Variants in MYO1E observed in about 807,000 individuals in gnomAD.
MYO1E encodes myosin IE, also known as unconventional myosin-Ie.
Under a neutral mutation model 151.1 loss-of-function variants are expected in MYO1E, and 68 were observed. The ratio of observed to expected loss-of-function variants is 0.45; its 90% CI spans 0.37 to 0.55. The LOEUF (loss-of-function observed/expected upper bound fraction) is 0.55, where lower values mean the gene tolerates loss of function less well. Ranked by LOEUF, MYO1E falls within the 20% of genes least tolerant of loss-of-function variation. The pLI is 0.00. For missense variants in MYO1E, 1,363 were observed against 1,389.3 expected (o/e 0.98, Z 0.30); for synonymous variants, 601 against 501.7 (o/e 1.20, Z -2.64).
Position 59,174,248 on chromosome 15 carries a change from T to C in MYO1E, c.2050-8A>G. ...CTCTTCTAAAAGAAATAGCTGTGAA[T>C]GGAGAGAAGACAAATGTGAGCCAAG... On this transcript the variant is annotated splice_region_variant and splice_polypyrimidine_tract_variant and intron_variant, in intron 19 of 27. Coordinates refer to ENST00000288235, the MANE Select transcript of MYO1E (RefSeq NM_004998.4). 1.3e-6 allele frequency: 2 copies of C among 1,593,368 alleles called. No homozygotes were observed. Among genetic ancestry groups the C allele is most frequent in the Non-Finnish European group, 8.6e-7 (1 of 1,161,326 alleles).
At chr15:59,230,605 C>T (rs982039279) in intron 6 of MYO1E, among the ~76,000 whole-genome samples, 9 of 152,088 alleles carry the variant, frequency 5.9e-5, no homozygotes, top group Admixed American at 6.5e-5. Flanking sequence ...GATAACACAA[C>T]TCAGGCATTG....
At chr15:59,173,080 A>G (rs2079605074) in intron 21 of MYO1E, among the ~76,000 whole-genome samples, 1 of 152,238 alleles carries the variant, frequency 6.6e-6, no homozygotes, top group African/African-American at 2.4e-5. Flanking sequence ...AAAGGTATCT[A>G]AAGGAGGAGG....
intron 21 of MYO1E, among the ~76,000 whole-genome samples, chr15:59,173,271 A>G (rs2079606134): frequency 6.6e-6 from 1 of 152,264 alleles, no homozygotes; most frequent in Non-Finnish European, 1.5e-5. Flanking sequence ...AGATGTGTGA[A>G]AAGATGCTCA....
chr15:59,228,000 G>A (rs2080002344), intron 6 of MYO1E, among the ~76,000 whole-genome samples: 1 of 152,058 alleles, frequency 6.6e-6, no homozygotes, highest in African/African-American at 2.4e-5. Context: ...TCTTACCTAC[G>A]GAGCATCTAA....
At position 59,235,836 on chromosome 15, in the gene MYO1E, T is replaced by A. The variant is rs2080058939; in HGVS notation, c.420+749A>T. ...CCCTACTTCCTACCAATCAAGCGTTTAAAACATGGTAAGATTCTGGCCAAT... is the reference window on the plus strand; with the variant it reads ...CCCTACTTCCTACCAATCAAGCGTTAAAAACATGGTAAGATTCTGGCCAAT... On this transcript the variant is annotated intron_variant, in intron 5 of 27. Coordinates refer to ENST00000288235, the MANE Select transcript of MYO1E (RefSeq NM_004998.4). Among the ~76,000 whole-genome samples the A allele has an allele frequency of 2.0e-5, 3 of 152,224 alleles. No homozygotes were observed. In the South Asian group the frequency reaches 6.2e-4, roughly 31 times the overall value.
chr15:59,198,840 AC>A (rs1176218802), intron 16 of MYO1E, among the ~76,000 whole-genome samples: 10 of 149,602 alleles, frequency 6.7e-5, no homozygotes, highest in African/African-American at 2.0e-4. Flanking sequence ...CAAAAAAAAA[AC>A]AAACCAAAAA....
chr15:59,173,760 C>T lies in MYO1E; in HGVS notation c.2320G>A (p.Asp774Asn), dbSNP rs1194926228. 1 of 1,614,166 alleles carries T rather than the reference C, an allele frequency of 6.2e-7. No individual in the cohort carries two copies. The highest frequency in any genetic ancestry group is 2.2e-5 in the East Asian group (1 of 44,878). ...IDFADTVTKYDRRFKGVKRDL... is the reference protein window; with the variant it reads ...IDFADTVTKYNRRFKGVKRDL... ...TTAGCACGTACCTTGAACCTCCTGT[C>T]ATACTTGGTGACTGTGTCTGCGAAA... Residue 774 changes from aspartate (D) to asparagine (N), a missense_variant, in exon 21 of 28, where the codon GAC becomes AAC. By Grantham distance (23) the Asp-to-Asn change is conservative. Transcript: ENST00000288235.
rs60541381 is a variant in MYO1E at position 59,151,010 on chromosome 15, GACACACACAC to G, written c.3080+2570_3080+2579del. 9.9e-3 allele frequency among the ~76,000 whole-genome samples: 1,394 copies of G among 141,090 alleles called. 13 individuals carry two copies. Among genetic ancestry groups the G allele is most frequent in the African/African-American group, 0.024 (920 of 37,608 alleles). 92.6% of individuals were successfully genotyped at this position (141,090 alleles called of 152,430 possible). A position where few individuals can be genotyped will look rare whatever the true frequency, so the allele number is the denominator to read the frequency against. Reference sequence around the variant, plus strand: ...GGGTAGTGGAAGGGAAGAGGAGAGGGACACACACACACACACACACACACACACACACACA... The same window carrying G: ...GGGTAGTGGAAGGGAAGAGGAGAGGGACACACACACACACACACACACACA... On this transcript the variant is annotated intron_variant, in intron 26 of 27. Coordinates refer to ENST00000288235, the MANE Select transcript of MYO1E (RefSeq NM_004998.4).
chr15:59,193,469 G>T (rs1285821597), intron 17 of MYO1E, among the ~76,000 whole-genome samples: 1 of 152,096 alleles, frequency 6.6e-6, no homozygotes, highest in African/African-American at 2.4e-5. Flanking sequence ...AAGGAGAAGC[G>T]GAACTATACA....
chr15:59,233,136 A>G (rs1464971159), intron 5 of MYO1E, among the ~76,000 whole-genome samples: 1 of 152,068 alleles, frequency 6.6e-6, no homozygotes, highest in Non-Finnish European at 1.5e-5. Context: ...CTGGCCAGAC[A>G]TGCCCATACC....
At chr15:59,332,255 T>A (rs2080702605) in intron 1 of MYO1E, among the ~76,000 whole-genome samples, 1 of 152,216 alleles carries the variant, frequency 6.6e-6, no homozygotes, top group East Asian at 1.9e-4. Context: ...TTCAAAGTCT[T>A]CTAACTGCCG....
chr15:59,345,978 T>C (rs935025487), intron 1 of MYO1E, among the ~76,000 whole-genome samples: 1 of 152,224 alleles, frequency 6.6e-6, no homozygotes, highest in Admixed American at 6.5e-5. Flanking sequence ...CACGTGGAGG[T>C]AGTACTTCCG....
At chr15:59,371,244 G>A (rs11071432) in intron 1 of MYO1E, among the ~76,000 whole-genome samples, 117,280 of 151,944 alleles carry the variant, frequency 0.77, 47,064 homozygotes, top group Non-Finnish European at 0.89. Flanking sequence ...ATGGGCCTCT[G>A]CTGCACTTCC....
chr15:59,191,222 G>A (rs111790642), intron 17 of MYO1E, among the ~76,000 whole-genome samples: 3,674 of 151,958 alleles, frequency 0.024, 147 homozygotes, highest in African/African-American at 0.082. Flanking sequence ...TTGGGAGGCC[G>A]AGGCGGGCAA....
chr15:59,167,247 T>C (rs1020281023), intron 22 of MYO1E, among the ~76,000 whole-genome samples: 8 of 152,216 alleles, frequency 5.3e-5, no homozygotes, highest in Admixed American at 1.3e-4. Flanking sequence ...GTTTTTCCAA[T>C]TGGAGATAAG....
At chr15:59,340,824 C>G (rs539855593) in intron 1 of MYO1E, among the ~76,000 whole-genome samples, 1 of 151,794 alleles carries the variant, frequency 6.6e-6, no homozygotes, top group South Asian at 2.1e-4. Flanking sequence ...CAGTTCAAGA[C>G]CAGCCTGGCC....
intron 22 of MYO1E, among the ~76,000 whole-genome samples, chr15:59,164,673 T>A (rs541246260): frequency 1.3e-3 from 196 of 152,272 alleles, no homozygotes; most frequent in Middle Eastern, 0.01. Flanking sequence ...TTCAGCCCCA[T>A]TCACAGGTCA....
Position 59,222,954 on chromosome 15 carries a change from CTTCCCAATA to C in MYO1E, c.910+96_910+104del, listed in dbSNP as rs538720673. On this transcript the variant is annotated intron_variant, in intron 9 of 27. Coordinates refer to ENST00000288235, the MANE Select transcript of MYO1E (RefSeq NM_004998.4). ...CAGAGGACATGTAGATTTATCACTT[CTTCCCAATA>C]TTCCCATTTGAGATCTAAGCAAAGG... is the stretch of plus-strand genomic sequence containing the variant. 201 of 1,533,616 alleles carry C rather than the reference CTTCCCAATA, an allele frequency of 1.3e-4. 2 individuals carry two copies. In the African/African-American group the frequency reaches 2.6e-3, roughly 20 times the overall value.
In MYO1E at chr15:59,236,569, G is replaced by T. The variant is rs1166011514; in HGVS notation, c.420+16C>A. The stretch of plus-strand genomic sequence containing the variant: ...CCCATAACATAAGGTATCATAATGG[G>T]CCACTGCCCACTCACCTGGACTTTG... On this transcript the variant is annotated intron_variant, in intron 5 of 27. Coordinates refer to ENST00000288235, the MANE Select transcript of MYO1E (RefSeq NM_004998.4). 3 of 1,592,022 alleles carry T rather than the reference G, an allele frequency of 1.9e-6. No individual in the cohort carries two copies. Among genetic ancestry groups the T allele is most frequent in the Non-Finnish European group, 8.6e-7 (1 of 1,160,170 alleles).
Sources: gnomAD v4.1 joint callset for allele counts (sites outside exome capture counted in the v4.1 genomes callset) on GRCh38, gnomAD v4.1.1 for gene constraint, MANE v1.5 for transcripts, NCBI Gene and HGNC (gene_info 2026-07-23, HGNC 2026-07-21) for gene names.